NIBAN1: variants seen among roughly 807,000 people sequenced by gnomAD.
NIBAN1 encodes the protein protein Niban 1.
In NIBAN1, 81 loss-of-function variants were observed where a neutral mutation model predicts 75.1. The observed-to-expected ratio is 1.08, with a 90% confidence interval of 0.90 to 1.30. The LOEUF is 1.30. NIBAN1 is among the 50% of genes most tolerant of loss of function. The pLI is 0.00. For missense variants in NIBAN1, 1,133 were observed against 1,128.1 expected (o/e 1.00, Z -0.06); for synonymous variants, 436 against 424.8 (o/e 1.03, Z -0.32).
At chr1:184,826,248 C>T (rs1266226851) in intron 6 of NIBAN1, among the ~76,000 whole-genome samples, 2 of 152,118 alleles carry the variant, frequency 1.3e-5, no homozygotes, top group Non-Finnish European at 2.9e-5. Context: ...TCCACTAGCC[C>T]TGGTAATTCA....
At chr1:184,882,378 A>C (rs1656400362) in intron 5 of NIBAN1, among the ~76,000 whole-genome samples, 2 of 152,214 alleles carry the variant, frequency 1.3e-5, no homozygotes, top group South Asian at 4.1e-4. Context: ...AGAGGCGAGA[A>C]AAGAAAGGTC....
chr1:184,871,582 G>A (rs1656111788), intron 5 of NIBAN1, among the ~76,000 whole-genome samples: 1 of 152,108 alleles, frequency 6.6e-6, no homozygotes, highest in African/African-American at 2.4e-5. Flanking sequence ...AGTTTGAGGT[G>A]TTTTGTTACA....
chr1:184,896,701 T>C (rs536488991), intron 2 of NIBAN1, among the ~76,000 whole-genome samples: 1 of 152,286 alleles, frequency 6.6e-6, no homozygotes, highest in Admixed American at 6.5e-5. Flanking sequence ...TTTTAATCCA[T>C]CTGAAGTTAA....
chr1:184,842,116 T>G (rs1011838020), intron 5 of NIBAN1, among the ~76,000 whole-genome samples: 2 of 152,248 alleles, frequency 1.3e-5, no homozygotes, highest in African/African-American at 4.8e-5. Context: ...AAAGTTCTTC[T>G]AAATTTGAAA....
At chr1:184,832,971 A>T (rs1655038408) in intron 5 of NIBAN1, among the ~76,000 whole-genome samples, 2 of 152,098 alleles carry the variant, frequency 1.3e-5, no homozygotes, top group African/African-American at 4.8e-5. Flanking sequence ...AATAATAAAT[A>T]ATCAAGCCTT....
At chr1:184,972,300 G>T (rs1331396272) in intron 1 of NIBAN1, among the ~76,000 whole-genome samples, 1 of 152,136 alleles carries the variant, frequency 6.6e-6, no homozygotes, top group Admixed American at 6.5e-5. Flanking sequence ...CAAAGCTTGA[G>T]AATATTTATA....
Position 184,890,102 on chromosome 1 carries a change from A to T in NIBAN1, c.433+6T>A, listed in dbSNP as rs754064469. 3.3e-5 allele frequency: 53 copies of T among 1,604,872 alleles called. No individual in the cohort carries two copies. The highest frequency in any genetic ancestry group is 1.2e-5 in the Non-Finnish European group (14 of 1,171,976). ...TTGCCTTGGAAAAGAATGATCAGCA[A>T]CTCACCAAGAGGGTCTGGGAAATGC... On this transcript the variant is annotated splice_donor_region_variant and intron_variant, in intron 4 of 13. Transcript: ENST00000367511.
intron 1 of NIBAN1, among the ~76,000 whole-genome samples, chr1:184,939,481 T>A: frequency 6.6e-6 from 1 of 152,210 alleles, no homozygotes; most frequent in East Asian, 1.9e-4. Context: ...AGTCAAACAT[T>A]ACTCCCTTTG....
intron 1 of NIBAN1, among the ~76,000 whole-genome samples, chr1:184,968,364 C>T (rs1301207471): frequency 6.6e-6 from 1 of 152,188 alleles, no homozygotes; most frequent in Non-Finnish European, 1.5e-5. Context: ...ATACTAGCAA[C>T]TCCTAATTTG....
At chr1:184,921,942 A>G (rs1221436626) in intron 1 of NIBAN1, among the ~76,000 whole-genome samples, 2 of 152,224 alleles carry the variant, frequency 1.3e-5, no homozygotes, top group African/African-American at 2.4e-5. Flanking sequence ...CTGTTTCTCT[A>G]TAAAAGCAAA....
In NIBAN1 at chr1:184,957,275, T is replaced by C. The variant is rs939835652; in HGVS notation, c.55+17027A>G. ...CTTCCCTGGTTTGAGGGGAGGAGTA[T>C]GTGTAGGACCTTGAGAATAGTTGTT... is the stretch of plus-strand genomic sequence containing the variant. On this transcript the variant is annotated intron_variant, in intron 1 of 13. Coordinates refer to ENST00000367511, the MANE Select transcript of NIBAN1 (RefSeq NM_052966.4). 2.0e-5 allele frequency among the ~76,000 whole-genome samples: 3 copies of C among 152,190 alleles called. No homozygotes were observed. In the East Asian group the frequency reaches 5.8e-4, roughly 29 times the overall value.
At chr1:184,871,804 T>G (rs914156850) in intron 5 of NIBAN1, among the ~76,000 whole-genome samples, 2 of 152,174 alleles carry the variant, frequency 1.3e-5, no homozygotes, top group Non-Finnish European at 2.9e-5. Flanking sequence ...TAGCCCATTC[T>G]AAGGAAAATT....
chr1:184,843,176 C>A (rs1655340858), intron 5 of NIBAN1, among the ~76,000 whole-genome samples: 1 of 152,208 alleles, frequency 6.6e-6, no homozygotes, highest in Non-Finnish European at 1.5e-5. Context: ...TAGAACTCTA[C>A]CCATGGTGGA....
At chr1:184,803,725 C>T (rs767020957) in intron 11 of NIBAN1, 33 bp from the exon 12 acceptor site, 6 of 1,579,246 alleles carry the variant, frequency 3.8e-6, no homozygotes, top group Non-Finnish European at 5.2e-6. Context: ...TAAATAGTAA[C>T]ATTACAATCT....
chr1:184,956,737 T>C (rs957844201), intron 1 of NIBAN1, among the ~76,000 whole-genome samples: 3 of 152,190 alleles, frequency 2.0e-5, no homozygotes, highest in African/African-American at 7.2e-5. Flanking sequence ...TTAAAAATGT[T>C]ACTCTAAAAA....
intron 9 of NIBAN1, among the ~76,000 whole-genome samples, chr1:184,815,943 T>C (rs6671637): frequency 0.62 from 94,811 of 152,042 alleles, 31,250 homozygotes; most frequent in Middle Eastern, 0.76. Context: ...AAGGCTGTCG[T>C]TACACAACAT....
At chr1:184,825,819 G>C (rs1507058) in intron 6 of NIBAN1, among the ~76,000 whole-genome samples, 3,858 of 152,326 alleles carry the variant, frequency 0.025, 122 homozygotes, top group African/African-American at 0.077. Context: ...AAAAGGGGAA[G>C]CACAGTTTTA....
chr1:184,965,217 T>A lies in NIBAN1; in HGVS notation c.55+9085A>T, dbSNP rs554184592. Among the ~76,000 whole-genome samples the A allele has an allele frequency of 1.6e-4, 25 of 151,714 alleles. 1 individual carries two copies. The South Asian group carries it at 5.0e-3, about 30-fold the overall frequency. On this transcript the variant is annotated intron_variant, in intron 1 of 13. Coordinates refer to ENST00000367511, the MANE Select transcript of NIBAN1 (RefSeq NM_052966.4). ...GAGAGGCTGACGCAGGAGAATGGCGTGAACCCGGGAATTGGAGCTTGCAGT... is the reference window on the plus strand; with the variant it reads ...GAGAGGCTGACGCAGGAGAATGGCGAGAACCCGGGAATTGGAGCTTGCAGT...
At chr1:184,965,014 A>G (rs565842787) in intron 1 of NIBAN1, among the ~76,000 whole-genome samples, 1 of 152,280 alleles carries the variant, frequency 6.6e-6, no homozygotes, top group African/African-American at 2.4e-5. Context: ...GATGAAGAAC[A>G]CAGGGCCGGG....
Sources: gnomAD v4.1 joint callset for allele counts (sites outside exome capture counted in the v4.1 genomes callset) on GRCh38, gnomAD v4.1.1 for gene constraint, MANE v1.5 for transcripts, NCBI Gene and HGNC (gene_info 2026-07-23, HGNC 2026-07-21) for gene names.